The following NOS1AP variants were observed in gnomAD, a reference collection of about 807,000 sequenced individuals.
The protein encoded by NOS1AP is nitric oxide synthase 1 adaptor protein.
Under a neutral mutation model 56.2 loss-of-function variants are expected in NOS1AP, and 21 were observed. The observed-to-expected ratio is 0.37, with a 90% CI of 0.26 to 0.54. The LOEUF (loss-of-function observed/expected upper bound fraction) is 0.54, where lower values mean the gene tolerates loss of function less well. NOS1AP is among the 20% of genes least tolerant of loss of function. NOS1AP has a pLI of 0.84. For synonymous variants in NOS1AP, 270 were observed against 274.6 expected, an observed-to-expected ratio of 0.98 and a Z score of 0.17; for missense variants, 522 against 657.8, an observed-to-expected ratio of 0.79 and a Z score of 2.26.
At chr1:162,145,388 C>T (rs6667194) in intron 1 of NOS1AP, among the ~76,000 whole-genome samples, 3,478 of 152,156 alleles carry the variant, frequency 0.023, 84 homozygotes, top group African/African-American at 0.054. Flanking sequence ...TGGAGAGCCC[C>T]GAGCAAGCCT....
At chr1:162,106,416 A>G (rs994577857) in intron 1 of NOS1AP, among the ~76,000 whole-genome samples, 7 of 152,138 alleles carry the variant, frequency 4.6e-5, no homozygotes, top group South Asian at 4.1e-4. Context: ...GCTGCTTCCA[A>G]TCGACCCAAT....
intron 4 of NOS1AP, among the ~76,000 whole-genome samples, chr1:162,330,580 CT>C (rs1322961496): frequency 6.6e-6 from 1 of 152,076 alleles, no homozygotes; most frequent in Non-Finnish European, 1.5e-5. Flanking sequence ...AGAGAGATGA[CT>C]GCAGAAAGGT....
intron 1 of NOS1AP, among the ~76,000 whole-genome samples, chr1:162,107,500 A>G (rs561596913): frequency 3.3e-4 from 50 of 152,190 alleles, no homozygotes; most frequent in Non-Finnish European, 5.9e-4. Context: ...CACTCAGCTA[A>G]TTTATTTTTT....
At chr1:162,217,420 C>T (rs368931574) in intron 2 of NOS1AP, among the ~76,000 whole-genome samples, 5 of 151,920 alleles carry the variant, frequency 3.3e-5, no homozygotes, top group South Asian at 2.1e-4. Flanking sequence ...TGAGCCACCA[C>T]ACCCAGCTAA....
intron 1 of NOS1AP, among the ~76,000 whole-genome samples, chr1:162,148,175 A>G (rs1405564446): frequency 1.3e-5 from 2 of 152,228 alleles, no homozygotes; most frequent in Non-Finnish European, 2.9e-5. Flanking sequence ...ATGCCGGAAC[A>G]CCAGGCAGAA....
chr1:162,289,244 CCTT>C (rs1655197762), intron 3 of NOS1AP, among the ~76,000 whole-genome samples: 3 of 87,284 alleles, frequency 3.4e-5, no homozygotes, highest in Non-Finnish European at 5.0e-5. Context: ...TTCCTTCCTT[CCTT>C]CCTTCCTTCC....
intron 4 of NOS1AP, among the ~76,000 whole-genome samples, chr1:162,326,446 A>T (rs1656593753): frequency 6.6e-6 from 1 of 152,196 alleles, no homozygotes; most frequent in South Asian, 2.1e-4. Context: ...AATAGGATAT[A>T]TGTGTGGGTG....
chr1:162,148,726 T>C (rs776920218), intron 1 of NOS1AP, among the ~76,000 whole-genome samples: 9 of 152,086 alleles, frequency 5.9e-5, no homozygotes, highest in Non-Finnish European at 1.2e-4. Context: ...ATGACCCAAT[T>C]TGCTTTGTAA....
chr1:162,129,631 C>T (rs1469973687), intron 1 of NOS1AP, among the ~76,000 whole-genome samples: 1 of 152,176 alleles, frequency 6.6e-6, no homozygotes, highest in African/African-American at 2.4e-5. Flanking sequence ...ATGTGAGCTC[C>T]TTGAGTTATT....
chr1:162,298,927 T>C (rs558008102), intron 3 of NOS1AP, among the ~76,000 whole-genome samples: 18 of 152,364 alleles, frequency 1.2e-4, no homozygotes, highest in African/African-American at 4.1e-4. Context: ...CACACCTTCA[T>C]AAACATTGCT....
chr1:162,355,316 C>T lies in NOS1AP; in HGVS notation c.725C>T (p.Ala242Val). Residue 242 changes from alanine to valine, a missense_variant, in exon 7 of 10, where the codon GCT becomes GTT. Around this residue, in one of 4 missense-constraint regions of NOS1AP, gnomAD observed 178 missense variants for 165.0 expected, o/e 1.08. Transcript: ENST00000361897. ...EFSRGVTDLD[A>V]VGKEGGSHTG... ...AGCCGAGGTGTGACTGATCTAGATGCTGTAGGGAAGGAAGGAGGCTCTCAC... is the reference window on the plus strand; with the variant it reads ...AGCCGAGGTGTGACTGATCTAGATGTTGTAGGGAAGGAAGGAGGCTCTCAC... The T allele has an allele frequency of 6.2e-7, 1 of 1,614,074 alleles. No homozygotes were observed. The highest frequency in any genetic ancestry group is 8.5e-7 in the Non-Finnish European group (1 of 1,180,012).
At chr1:162,212,211 T>A (rs897870890) in intron 2 of NOS1AP, among the ~76,000 whole-genome samples, 2 of 152,172 alleles carry the variant, frequency 1.3e-5, no homozygotes, top group African/African-American at 4.8e-5. Flanking sequence ...TCTGCAAGGC[T>A]GGGAAGGTGT....
intron 1 of NOS1AP, among the ~76,000 whole-genome samples, chr1:162,124,507 G>GTGTGTACACAC (rs77245896): frequency 1.3e-5 from 2 of 150,544 alleles, no homozygotes; most frequent in African/African-American, 4.9e-5. Flanking sequence ...GTGTGTGTGT[G>GTGTGTACACAC]ACACACACAC....
chr1:162,100,530 T>A (rs1322418741), intron 1 of NOS1AP, among the ~76,000 whole-genome samples: 1 of 152,242 alleles, frequency 6.6e-6, no homozygotes, highest in Non-Finnish European at 1.5e-5. Context: ...ATTCTGGATA[T>A]TAGCCCTTTG....
At chr1:162,235,517 T>C (rs1453411782) in intron 2 of NOS1AP, among the ~76,000 whole-genome samples, 1 of 152,214 alleles carries the variant, frequency 6.6e-6, no homozygotes, top group Non-Finnish European at 1.5e-5. Context: ...AAGGCTGACT[T>C]GTCAAAGGCT....
chr1:162,308,872 A>G (rs1655930370), intron 4 of NOS1AP, among the ~76,000 whole-genome samples: 1 of 152,186 alleles, frequency 6.6e-6, no homozygotes, highest in South Asian at 2.1e-4. Context: ...GTAGAATGGT[A>G]GAATCTATCA....
At chr1:162,295,601 T>G (rs1413879824) in intron 3 of NOS1AP, among the ~76,000 whole-genome samples, 1 of 152,232 alleles carries the variant, frequency 6.6e-6, no homozygotes, top group South Asian at 2.1e-4. Context: ...TTGTTTTGTT[T>G]TTTTCTTTGA....
At chr1:162,120,086 C>T (rs1648143916) in intron 1 of NOS1AP, among the ~76,000 whole-genome samples, 1 of 2,106 alleles carries the variant, frequency 4.7e-4, no homozygotes, top group African/African-American at 6.5e-4. Context: ...ATGGTATATA[C>T]ATATGTATAT....
intron 2 of NOS1AP, among the ~76,000 whole-genome samples, chr1:162,258,996 A>G (rs1397958370): frequency 6.6e-6 from 1 of 152,126 alleles, no homozygotes; most frequent in Non-Finnish European, 1.5e-5. Context: ...CTCATCTTGT[A>G]AACCTCATCA....
Sources: allele counts gnomAD v4.1 joint callset (sites outside exome capture counted in the v4.1 genomes callset), GRCh38; gene constraint gnomAD v4.1.1; regional missense constraint gnomAD v4.1.1; transcripts MANE v1.5; gene names NCBI Gene and HGNC (gene_info 2026-07-23, HGNC 2026-07-21).